Variants in GRM7 observed in about 807,000 individuals in gnomAD.
The protein encoded by GRM7 is metabotropic glutamate receptor 7.
Under a neutral mutation model 84.5 loss-of-function variants are expected in GRM7, and 35 were observed. The observed-to-expected ratio is 0.41, with a 90% CI of 0.32 to 0.55. GRM7 has a LOEUF of 0.55. Ranked by LOEUF, GRM7 falls within the 20% of genes least tolerant of loss-of-function variation. The probability of loss-of-function intolerance (pLI) is 0.19; values close to 1 mark genes in which losing one functional copy is unlikely to be tolerated. For synonymous variants in GRM7, 487 were observed against 455.1 expected, an observed-to-expected ratio of 1.07 and a Z score of -0.89; for missense variants, 1,003 against 1,194.6, an observed-to-expected ratio of 0.84 and a Z score of 2.36.
At chr3:7,493,755 C>G (rs1157901325) in intron 7 of GRM7, among the ~76,000 whole-genome samples, 1 of 151,782 alleles carries the variant, frequency 6.6e-6, no homozygotes, top group Admixed American at 6.6e-5. Flanking sequence ...TCTTTTGTTT[C>G]TTTTATGTCA....
intron 8 of GRM7, among the ~76,000 whole-genome samples, chr3:7,669,154 G>C (rs2324209): frequency 0.14 from 21,768 of 152,168 alleles, 3,110 homozygotes; most frequent in African/African-American, 0.37. Context: ...GTCTAGCAAG[G>C]GGACACGTAT....
At chr3:7,252,463 C>T (rs961246462) in intron 2 of GRM7, among the ~76,000 whole-genome samples, 9 of 152,058 alleles carry the variant, frequency 5.9e-5, no homozygotes, top group African/African-American at 1.9e-4. Context: ...CTGATGCTCA[C>T]GGTCCTTTGA....
At chr3:7,262,280 GT>G (rs1410655613) in intron 2 of GRM7, among the ~76,000 whole-genome samples, 2 of 151,878 alleles carry the variant, frequency 1.3e-5, no homozygotes, top group African/African-American at 4.8e-5. Flanking sequence ...TTTCTCAGAG[GT>G]TTTCTTTGTT....
intron 1 of GRM7, among the ~76,000 whole-genome samples, chr3:6,997,108 C>T (rs780187224): frequency 9.2e-5 from 14 of 152,076 alleles, no homozygotes; most frequent in Admixed American, 3.9e-4. Context: ...AATATGGATA[C>T]GCTGAATTAA....
chr3:6,981,540 T>A (rs938992527), intron 1 of GRM7, among the ~76,000 whole-genome samples: 1 of 152,176 alleles, frequency 6.6e-6, no homozygotes, highest in African/African-American at 2.4e-5. Flanking sequence ...TGCAGGAGAA[T>A]TACTGAGTGT....
intron 8 of GRM7, among the ~76,000 whole-genome samples, chr3:7,616,257 T>C (rs1697074813): frequency 6.6e-6 from 1 of 152,140 alleles, no homozygotes; most frequent in Non-Finnish European, 1.5e-5. Context: ...AACTACACAA[T>C]TCTTTAAACA....
intron 1 of GRM7, among the ~76,000 whole-genome samples, chr3:6,864,789 G>C (rs1027204320): frequency 3.9e-5 from 6 of 152,228 alleles, no homozygotes; most frequent in Non-Finnish European, 7.3e-5. Flanking sequence ...GATGGTAACA[G>C]ATGTAACAAA....
chr3:7,137,051 T>C (rs971998649), intron 1 of GRM7, among the ~76,000 whole-genome samples: 19 of 152,118 alleles, frequency 1.2e-4, no homozygotes, highest in African/African-American at 4.3e-4. Flanking sequence ...GTGTGCTGTT[T>C]ATTGGATATA....
At chr3:6,901,784 A>G (rs951699099) in intron 1 of GRM7, among the ~76,000 whole-genome samples, 1 of 151,388 alleles carries the variant, frequency 6.6e-6, no homozygotes, top group African/African-American at 2.4e-5. Context: ...TATTTTTGTT[A>G]TTTTTAAATT....
intron 1 of GRM7, among the ~76,000 whole-genome samples, chr3:7,015,384 G>C (rs912197920): frequency 3.3e-5 from 5 of 152,214 alleles, no homozygotes; most frequent in African/African-American, 1.2e-4. Flanking sequence ...GAATGAATGT[G>C]AGAGTGAATG....
At chr3:7,411,778 G>T (rs924421971) in intron 4 of GRM7, among the ~76,000 whole-genome samples, 3 of 152,186 alleles carry the variant, frequency 2.0e-5, no homozygotes, top group Middle Eastern at 3.4e-3. Flanking sequence ...TGTATATTGT[G>T]GTACATGTGT....
At chr3:7,091,381 T>C (rs561038404) in intron 1 of GRM7, among the ~76,000 whole-genome samples, 27 of 152,276 alleles carry the variant, frequency 1.8e-4, no homozygotes, top group African/African-American at 6.0e-4. Context: ...ATTTCTACCA[T>C]TTGATATAAG....
intron 5 of GRM7, among the ~76,000 whole-genome samples, chr3:7,423,207 T>C (rs896057855): frequency 1.3e-5 from 2 of 152,224 alleles, no homozygotes; most frequent in Non-Finnish European, 2.9e-5. Context: ...CTGTGTTTAA[T>C]TCTGTGCAGA....
At position 7,214,203 on chromosome 3, in the gene GRM7, C is replaced by T. The variant is rs188399936; in HGVS notation, c.736+67535C>T. 1.3e-5 allele frequency among the ~76,000 whole-genome samples: 2 copies of T among 151,566 alleles called. 1 individual carries two copies. The highest frequency in any genetic ancestry group is 4.2e-4 in the South Asian group (2 of 4,786). ...CTTATATTGCCGTTTTGGAAGGTCA[C>T]CTACGATGCAATATAATGAATGTAG... On this transcript the variant is annotated intron_variant, in intron 2 of 9. Transcript: ENST00000357716.
At chr3:7,691,040 T>A (rs1374589919) in intron 9 of GRM7, 1 of 1,272 alleles carries the variant, frequency 7.9e-4, no homozygotes, top group East Asian at 0.038. Context: ...ACTTTGCAGA[T>A]TTTTTTTTTT....
At chr3:7,170,734 C>A (rs1014057069) in intron 2 of GRM7, among the ~76,000 whole-genome samples, 4 of 152,090 alleles carry the variant, frequency 2.6e-5, no homozygotes, top group Non-Finnish European at 4.4e-5. Context: ...TGCTTCCATT[C>A]AGAAGAAAAG....
chr3:6,882,679 A>G (rs1695556002), intron 1 of GRM7, among the ~76,000 whole-genome samples: 1 of 152,228 alleles, frequency 6.6e-6, no homozygotes, highest in South Asian at 2.1e-4. Context: ...AATATATAAT[A>G]CTTTTAATTA....
At chr3:7,430,371 C>T (rs1037489455) in intron 5 of GRM7, among the ~76,000 whole-genome samples, 5 of 152,010 alleles carry the variant, frequency 3.3e-5, no homozygotes, top group Admixed American at 1.3e-4. Context: ...AGTAGGCATA[C>T]AAGAAAAATG....
chr3:7,645,348 A>G (rs1209569281), intron 8 of GRM7, among the ~76,000 whole-genome samples: 1 of 151,928 alleles, frequency 6.6e-6, no homozygotes, highest in Non-Finnish European at 1.5e-5. Context: ...GGAGATTGAG[A>G]CCATCCTGGC....
Sources: gnomAD v4.1 joint callset for allele counts (sites outside exome capture counted in the v4.1 genomes callset) on GRCh38, gnomAD v4.1.1 for gene constraint, MANE v1.5 for transcripts, NCBI Gene and HGNC (gene_info 2026-07-23, HGNC 2026-07-21) for gene names.